HOMER1: variants seen among roughly 807,000 people sequenced by gnomAD.
HOMER1 encodes the protein homer protein homolog 1.
Under a neutral mutation model 48.9 loss-of-function variants are expected in HOMER1, and 3 were observed. The observed-to-expected ratio is 0.06, with a 90% CI of 0.03 to 0.16. The LOEUF (loss-of-function observed/expected upper bound fraction) is 0.16, where lower values mean the gene tolerates loss of function less well. Among genes scored for constraint, HOMER1 ranks in the 10% least tolerant of loss-of-function variants. HOMER1 has a pLI of 1.00. For missense variants in HOMER1, 247 were observed against 411.4 expected, an observed-to-expected ratio of 0.60 and a Z score of 3.46; for synonymous variants, 134 against 146.4, an observed-to-expected ratio of 0.92 and a Z score of 0.61.
intron 8 of HOMER1, among the ~76,000 whole-genome samples, chr5:79,385,431 T>C (rs1298050283): frequency 1.3e-5 from 2 of 152,014 alleles, no homozygotes; most frequent in African/African-American, 4.8e-5. Context: ...CACTAAAAAA[T>C]GGGCAAAGGA....
At chr5:79,510,755 G>T (rs549905271) in intron 1 of HOMER1, 4 of 765,926 alleles carry the variant, frequency 5.2e-6, no homozygotes, top group South Asian at 4.1e-5. Flanking sequence ...AAGCATGCTC[G>T]TGCCCGCATT....
chr5:79,425,416 A>C (rs1344915245), intron 5 of HOMER1, among the ~76,000 whole-genome samples: 2 of 152,034 alleles, frequency 1.3e-5, no homozygotes, highest in Non-Finnish European at 2.9e-5. Flanking sequence ...GGGAGGAGAA[A>C]CTATTTAGGT....
chr5:79,464,590 T>C (rs1015643083), intron 1 of HOMER1, among the ~76,000 whole-genome samples: 1 of 152,200 alleles, frequency 6.6e-6, no homozygotes, highest in Non-Finnish European at 1.5e-5. Context: ...AATTATCCTG[T>C]ACAACTTAAT....
chr5:79,420,060 C>T (rs1269391080), intron 5 of HOMER1, among the ~76,000 whole-genome samples: 7 of 152,100 alleles, frequency 4.6e-5, no homozygotes, highest in Admixed American at 2.6e-4. Flanking sequence ...AGTATTGTGA[C>T]GGTCATGTAC....
intron 2 of HOMER1, among the ~76,000 whole-genome samples, chr5:79,454,393 A>G (rs1751108414): frequency 6.6e-6 from 1 of 151,968 alleles, no homozygotes; most frequent in African/African-American, 2.4e-5. Flanking sequence ...GAGGCACGTT[A>G]TCTGTCGTTT....
chr5:79,396,050 G>A (rs565960652), intron 8 of HOMER1, among the ~76,000 whole-genome samples: 3 of 152,110 alleles, frequency 2.0e-5, no homozygotes, highest in South Asian at 2.1e-4. Flanking sequence ...GGCACCTAAC[G>A]CTGAGGGTGT....
rs766922619 is a variant in HOMER1, at chr5:79,401,963, T to C, written c.620A>G (p.Asn207Ser). Residue 207 changes from asparagine to serine, a missense_variant, in exon 6 of 9, where the codon AAT becomes AGT. Asn to Ser is a conservative substitution (Grantham distance 46). Coordinates refer to ENST00000334082, the MANE Select transcript of HOMER1 (RefSeq NM_004272.5). ...LTAALLESTA[N>S]VKQWKQQLAA... ...AAGTTGCTGTTTCCATTGTTTCACA[T>C]TGGCAGTGGACTCCAGCAGGGCTGC... 19 of 1,613,870 alleles carry C rather than the reference T, an allele frequency of 1.2e-5. No homozygotes were observed. Among genetic ancestry groups the C allele is most frequent in the South Asian group, 3.3e-5 (3 of 91,074 alleles).
intron 6 of HOMER1, among the ~76,000 whole-genome samples, chr5:79,399,173 G>A (rs1311072168): frequency 6.6e-6 from 1 of 152,206 alleles, no homozygotes; most frequent in East Asian, 1.9e-4. Context: ...AAAGTCAACT[G>A]TTTGAAGGAC....
intron 1 of HOMER1, among the ~76,000 whole-genome samples, chr5:79,480,723 C>T (rs1751922406): frequency 6.6e-6 from 1 of 152,174 alleles, no homozygotes; most frequent in South Asian, 2.1e-4. Context: ...CTCATGCAAA[C>T]AAACTTTTCA....
At chr5:79,451,741 T>A (rs1448767992) in intron 2 of HOMER1, among the ~76,000 whole-genome samples, 1 of 151,814 alleles carries the variant, frequency 6.6e-6, no homozygotes, top group Non-Finnish European at 1.5e-5. Context: ...AACTTTTTTG[T>A]ATTTTTTTTA....
At chr5:79,501,334 CAT>C (rs1434169334) in intron 1 of HOMER1, among the ~76,000 whole-genome samples, 1 of 152,124 alleles carries the variant, frequency 6.6e-6, no homozygotes, top group Non-Finnish European at 1.5e-5. Context: ...GCATATAAAA[CAT>C]ATAACATACA....
intron 1 of HOMER1, among the ~76,000 whole-genome samples, chr5:79,503,532 GAGAAAA>G (rs1265599978): frequency 5.3e-5 from 5 of 94,022 alleles, no homozygotes; most frequent in African/African-American, 1.1e-4. Context: ...CTGTCACAAA[GAGAAAA>G]AAAAAAAAAA....
intron 1 of HOMER1, among the ~76,000 whole-genome samples, chr5:79,478,860 G>C (rs1405709172): frequency 6.6e-6 from 1 of 152,224 alleles, no homozygotes; most frequent in African/African-American, 2.4e-5. Flanking sequence ...GCTGAGGCTG[G>C]AGAATCACTT....
Position 79,401,906 on chromosome 5 carries a change from T to C in HOMER1, c.677A>G (p.His226Arg). 1 of 1,613,862 alleles carries C rather than the reference T, an allele frequency of 6.2e-7. No homozygotes were observed. ...CATCAGCCCTGAAATTACCCGCTTG[T>C]GCAGACGTTCTGCTTCCTCTTGATA... ...AAYQEEAERL[H>R]KRVTELECVS... Residue 226 changes from histidine to arginine, a missense_variant, in exon 6 of 9, where the codon CAC becomes CGC. Physicochemically the swap from His to Arg is conservative, Grantham distance 29. Transcript: ENST00000334082.
At chr5:79,438,686 A>T (rs1304219245) in intron 5 of HOMER1, among the ~76,000 whole-genome samples, 1 of 152,220 alleles carries the variant, frequency 6.6e-6, no homozygotes, top group Non-Finnish European at 1.5e-5. Flanking sequence ...GGCCTTTTAG[A>T]GGCTATGTTA....
intron 5 of HOMER1, among the ~76,000 whole-genome samples, chr5:79,429,652 C>G (rs1434561705): frequency 2.6e-5 from 4 of 152,026 alleles, no homozygotes; most frequent in Admixed American, 2.6e-4. Context: ...ATCACTGTAG[C>G]CTTAGTTTAG....
At chr5:79,503,011 T>C (rs567511067) in intron 1 of HOMER1, among the ~76,000 whole-genome samples, 207 of 152,118 alleles carry the variant, frequency 1.4e-3, no homozygotes, top group Non-Finnish European at 2.3e-3. Context: ...AGGACGGTCT[T>C]GATCTGACCT....
intron 1 of HOMER1, among the ~76,000 whole-genome samples, chr5:79,494,183 G>A (rs1002406375): frequency 6.6e-6 from 1 of 152,046 alleles, no homozygotes; most frequent in Non-Finnish European, 1.5e-5. Context: ...TAAATACCCT[G>A]CATGAGCTCA....
At chr5:79,391,435 CT>C (rs947531314) in intron 8 of HOMER1, among the ~76,000 whole-genome samples, 93 of 141,018 alleles carry the variant, frequency 6.6e-4, no homozygotes, top group East Asian at 4.4e-4. Context: ...TGGCCAAAAT[CT>C]TTTTTTTTTT....
Sources: gnomAD v4.1 joint callset for allele counts (sites outside exome capture counted in the v4.1 genomes callset) on GRCh38, gnomAD v4.1.1 for gene constraint, MANE v1.5 for transcripts, NCBI Gene and HGNC (gene_info 2026-07-23, HGNC 2026-07-21) for gene names.